MYO18B: variants seen among roughly 807,000 people sequenced by gnomAD.
MYO18B encodes unconventional myosin-XVIIIb.
A neutral mutation model predicts 273.0 loss-of-function variants in MYO18B; 204 were observed. That is an observed-to-expected ratio of 0.75 (90% confidence interval 0.67 to 0.84). The LOEUF is 0.84. MYO18B is among the 40% of genes least tolerant of loss of function. MYO18B has a pLI of 0.00. For synonymous variants in MYO18B, 1,330 were observed against 1,305.7 expected (o/e 1.02, Z -0.40); for missense variants, 3,212 against 3,287.6 (o/e 0.98, Z 0.56).
chr22:25,990,058 G>T (rs1193046254), intron 39 of MYO18B, among the ~76,000 whole-genome samples: 5 of 152,170 alleles, frequency 3.3e-5, no homozygotes, highest in African/African-American at 9.6e-5. Context: ...CCACCACGGC[G>T]TCCTTCCCGC....
rs187187657 is a variant in MYO18B at position 25,787,122 on chromosome 22, G to A, written c.2376+1631G>A. 8.5e-5 allele frequency among the ~76,000 whole-genome samples: 13 copies of A among 152,230 alleles called. No individual in the cohort carries two copies. The South Asian group carries it at 1.2e-3, about 15-fold the overall frequency. Reference sequence around the variant, plus strand: ...TCCAGCTGCTTGGGAGGCTGAGTCAGGAGAATTGCTTGAATCCAGGAGGTG... The same window carrying A: ...TCCAGCTGCTTGGGAGGCTGAGTCAAGAGAATTGCTTGAATCCAGGAGGTG... On this transcript the variant is annotated intron_variant, in intron 11 of 43. Transcript: ENST00000335473.
intron 18 of MYO18B, among the ~76,000 whole-genome samples, chr22:25,845,257 G>A (rs189359416): frequency 6.6e-5 from 10 of 152,296 alleles, no homozygotes; most frequent in Admixed American, 3.3e-4. Context: ...GGTGGCTCAC[G>A]CCTGTAATCC....
intron 22 of MYO18B, among the ~76,000 whole-genome samples, chr22:25,873,286 G>C (rs376607428): frequency 6.6e-6 from 1 of 152,074 alleles, no homozygotes; most frequent in Non-Finnish European, 1.5e-5. Context: ...GATGAGTTAC[G>C]GTCTGGAAAT....
At chr22:25,772,052 G>A (rs2086739198) in intron 6 of MYO18B, among the ~76,000 whole-genome samples, 1 of 152,238 alleles carries the variant, frequency 6.6e-6, no homozygotes, top group Non-Finnish European at 1.5e-5. Flanking sequence ...ATTTTGTCAA[G>A]TCTGCCTTGG....
intron 12 of MYO18B, among the ~76,000 whole-genome samples, chr22:25,822,532 T>G (rs1311331680): frequency 6.6e-6 from 1 of 152,240 alleles, no homozygotes; most frequent in Non-Finnish European, 1.5e-5. Flanking sequence ...TTGATTTTGG[T>G]GGCAGACACA....
At chr22:25,871,814 C>A (rs886169719) in intron 22 of MYO18B, among the ~76,000 whole-genome samples, 17 of 151,778 alleles carry the variant, frequency 1.1e-4, no homozygotes, top group Admixed American at 1.0e-3. Flanking sequence ...AAACAAAAAA[C>A]CAGAGAGAAA....
chr22:26,020,683 C>A (rs1384603190), intron 42 of MYO18B, among the ~76,000 whole-genome samples: 1 of 152,144 alleles, frequency 6.6e-6, no homozygotes. Context: ...GGCTTCCACT[C>A]TTAAATACTG....
intron 16 of MYO18B, 94 bp from the exon 17 acceptor site, chr22:25,835,202 G>C: frequency 7.0e-7 from 1 of 1,434,778 alleles, no homozygotes; most frequent in South Asian, 1.4e-5. Flanking sequence ...CTTGGGACTT[G>C]GATGCTCTCA....
intron 20 of MYO18B, among the ~76,000 whole-genome samples, chr22:25,849,172 T>C (rs2090346926): frequency 6.6e-6 from 1 of 152,178 alleles, no homozygotes; most frequent in Admixed American, 6.5e-5. Context: ...TGGGCCTGGG[T>C]CAGACTGTTA....
At position 26,009,070 on chromosome 22, in the gene MYO18B, G is replaced by A. The variant is rs117032510; in HGVS notation, c.6470+4215G>A. ...CGGGCAGTCGCTGTTCTCATTTCCT[G>A]GGCAATTATTCCAAACCATCCTGAC... On this transcript the variant is annotated intron_variant, in intron 42 of 43. Transcript: ENST00000335473. Among the ~76,000 whole-genome samples the A allele has an allele frequency of 4.2e-3, 636 of 152,272 alleles. 10 individuals are homozygous for A. Among genetic ancestry groups the A allele is most frequent in the East Asian group, 0.025 (132 of 5,178 alleles).
At chr22:25,909,055 A>G (rs1336902199) in intron 32 of MYO18B, among the ~76,000 whole-genome samples, 1 of 152,128 alleles carries the variant, frequency 6.6e-6, no homozygotes, top group East Asian at 1.9e-4. Context: ...ATGGCTTAAC[A>G]GTTTTTCACC....
chr22:25,762,224 T>C (rs949871237), intron 2 of MYO18B, among the ~76,000 whole-genome samples: 3 of 152,252 alleles, frequency 2.0e-5, no homozygotes, highest in Non-Finnish European at 2.9e-5. Flanking sequence ...CCTGCTTCTC[T>C]GTCCCTGGGC....
chr22:25,932,827 A>ATTTTTTTTTTTTTTT (rs61435665), intron 34 of MYO18B, among the ~76,000 whole-genome samples: 1 of 149,630 alleles, frequency 6.7e-6, no homozygotes, highest in Non-Finnish European at 1.5e-5. Flanking sequence ...TGAGCAAAGA[A>ATTTTTTTTTTTTTTT]TTTTTTTTTT....
intron 1 of MYO18B, among the ~76,000 whole-genome samples, chr22:25,755,761 C>T (rs796620054): frequency 3.3e-5 from 5 of 152,268 alleles, no homozygotes; most frequent in African/African-American, 9.6e-5. Context: ...CTCTGTCTCT[C>T]GCTCCCTCTC....
intron 25 of MYO18B, 145 bp from the exon 26 acceptor site, chr22:25,890,611 G>T: frequency 8.3e-7 from 1 of 1,199,222 alleles, no homozygotes; most frequent in Non-Finnish European, 1.1e-6. Context: ...AAATTCTGAA[G>T]TCCATCCTCT....
intron 7 of MYO18B, among the ~76,000 whole-genome samples, chr22:25,773,082 A>C (rs2086782172): frequency 6.6e-6 from 1 of 152,148 alleles, no homozygotes; most frequent in South Asian, 2.1e-4. Context: ...AGAAACGGCC[A>C]ATTTTTGTTG....
intron 39 of MYO18B, among the ~76,000 whole-genome samples, chr22:25,991,724 A>G (rs528837143): frequency 2.6e-5 from 4 of 151,866 alleles, no homozygotes; most frequent in Non-Finnish European, 4.4e-5. Flanking sequence ...AAGAGTAAAG[A>G]CTCACCTGCT....
intron 39 of MYO18B, among the ~76,000 whole-genome samples, chr22:25,956,054 A>G (rs891723646): frequency 4.6e-5 from 7 of 152,192 alleles, no homozygotes; most frequent in Non-Finnish European, 5.9e-5. Flanking sequence ...GGAAACTGAC[A>G]CGTGGAGATA....
At chr22:25,881,544 C>G (rs1279202122) in intron 25 of MYO18B, among the ~76,000 whole-genome samples, 3 of 152,190 alleles carry the variant, frequency 2.0e-5, no homozygotes, top group Non-Finnish European at 4.4e-5. Context: ...TTCCTTCCCA[C>G]CGAGCTGACA....
Sources: gnomAD v4.1 joint callset for allele counts (sites outside exome capture counted in the v4.1 genomes callset) on GRCh38, gnomAD v4.1.1 for gene constraint, MANE v1.5 for transcripts, NCBI Gene and HGNC (gene_info 2026-07-23, HGNC 2026-07-21) for gene names.